Variants in PDPR observed in about 807,000 individuals in gnomAD.
PDPR encodes the protein pyruvate dehydrogenase phosphatase regulatory subunit, mitochondrial.
A neutral mutation model predicts 102.2 loss-of-function variants in PDPR; 50 were observed. The observed-to-expected ratio is 0.49, with a 90% CI of 0.39 to 0.62. The LOEUF is 0.62. PDPR is among the 20% of genes least tolerant of loss of function. The probability of loss-of-function intolerance (pLI) is 0.00; values close to 1 mark genes in which losing one functional copy is unlikely to be tolerated. For synonymous variants in PDPR, 259 were observed against 406.0 expected, an observed-to-expected ratio of 0.64 and a Z score of 4.35; for missense variants, 625 against 1,098.2, an observed-to-expected ratio of 0.57 and a Z score of 6.09.
intron 9 of PDPR, among the ~76,000 whole-genome samples, chr16:70,133,111 C>CTTTTTTTTT (rs140652740): frequency 7.3e-4 from 71 of 97,256 alleles, no homozygotes; most frequent in African/African-American, 1.0e-3. Context: ...TACCCAGCTG[C>CTTTTTTTTT]TTTTTTTTTT....
At chr16:70,145,002 C>T (rs1488648778) in intron 15 of PDPR, among the ~76,000 whole-genome samples, 2 of 152,030 alleles carry the variant, frequency 1.3e-5, no homozygotes, top group African/African-American at 4.8e-5. Context: ...CACCTGTAAT[C>T]CCAGCACTTT....
intron 3 of PDPR, among the ~76,000 whole-genome samples, chr16:70,121,553 G>C (rs527622897): frequency 3.0e-4 from 46 of 152,216 alleles, no homozygotes; most frequent in African/African-American, 1.1e-3. Context: ...TTAGCTGGGC[G>C]TGGTGGTGTG....
intron 15 of PDPR, among the ~76,000 whole-genome samples, chr16:70,145,065 C>G (rs1313634084): frequency 7.9e-5 from 12 of 152,206 alleles, no homozygotes; most frequent in Admixed American, 7.9e-4. Context: ...CCAGCCTGGC[C>G]AACATGGTGA....
At position 70,131,794 on chromosome 16, in the gene PDPR, A is replaced by T. The variant is rs1964563459; in HGVS notation, c.848-357A>T. The T allele has an allele frequency of 4.4e-6, 6 of 1,363,366 alleles. No individual in the cohort carries two copies. The South Asian group carries it at 6.7e-5, about 15-fold the overall frequency. 84.5% of individuals were successfully genotyped at this position (1,363,366 alleles called of 1,614,324 possible). A position where few individuals can be genotyped will look rare whatever the true frequency, so the allele number is the denominator to read the frequency against. On this transcript the variant is annotated intron_variant, in intron 8 of 18. Transcript: ENST00000288050. The stretch of plus-strand genomic sequence containing the variant: ...CCAAGCACTGTAGGAGAGGGTTCTC[A>T]CATCCTTTTGACGGTCTTCATGCCT...
chr16:70,136,271 G>A lies in PDPR; in HGVS notation c.1075G>A (p.Glu359Lys). ...GATCATGAAGTTGGTGAACTGCCCAGAGACCTTCACACCAGACATGAGGTG... is the reference window on the plus strand; with the variant it reads ...GATCATGAAGTTGGTGAACTGCCCAAAGACCTTCACACCAGACATGAGGTG... The part of the protein sequence containing the change: ...LEIMKLVNCP[E>K]TFTPDMRCIM... Residue 359 changes from glutamate (E) to lysine (K), a missense_variant, in exon 10 of 19, where the codon GAG becomes AAG. By Grantham distance (56) the Glu-to-Lys change is moderately conservative. Around this residue, in one of 11 missense-constraint regions of PDPR, gnomAD observed 50 missense variants for 79.9 expected, o/e 0.63. Coordinates refer to ENST00000288050, the MANE Select transcript of PDPR (RefSeq NM_017990.5). 1 of 1,613,436 alleles carries A rather than the reference G, an allele frequency of 6.2e-7. No individual in the cohort carries two copies. The highest frequency in any genetic ancestry group is 2.2e-5 in the East Asian group (1 of 44,870).
In PDPR at chr16:70,153,462, C is replaced by G. The variant is rs201643448; in HGVS notation, c.2124C>G (p.Tyr708Ter). The change falls in exon 18 of 19, where the codon TAC becomes TAG. Residue 708 changes from tyrosine (Y) to a stop codon, truncating the protein, a stop_gained. Transcript: ENST00000288050. LOFTEE classifies it high-confidence loss of function. ...ACGGAATCCGGAATGCTGGGTATTA[C>G]GCTCTTCGCAGTCTCCGAATTGAGA... ...QKYGIRNAGY[Y>*]ALRSLRIEKF... The G allele has an allele frequency of 1.9e-6, 3 of 1,613,554 alleles. No homozygotes were observed. Among genetic ancestry groups the G allele is most frequent in the Non-Finnish European group, 2.5e-6 (3 of 1,179,748 alleles).
In PDPR at chr16:70,162,206, A is replaced by C. The variant is rs1967856464; in HGVS notation, c.*5327A>C. Reference sequence around the variant, plus strand: ...CAGCTCAGTTAACACTTTACTCTCCAGTCAACACTTGGGACATATAAAAAT... The same window carrying C: ...CAGCTCAGTTAACACTTTACTCTCCCGTCAACACTTGGGACATATAAAAAT... On this transcript the variant is annotated 3_prime_UTR_variant, in exon 19 of 19. Transcript: ENST00000288050. 1 of 152,500 alleles carries C rather than the reference A, an allele frequency of 6.6e-6. No individual in the cohort carries two copies. Among genetic ancestry groups the C allele is most frequent in the African/African-American group, 2.4e-5 (1 of 41,482 alleles). The allele number at this position is 152,500 out of a possible 1,614,324, so 9.4% of individuals were successfully genotyped here.
At chr16:70,127,152 G>C in intron 3 of PDPR, 108 bp from the exon 4 acceptor site, 1 of 1,536,636 alleles carries the variant, frequency 6.5e-7, no homozygotes, top group Non-Finnish European at 8.7e-7. Flanking sequence ...ACTGTGCCCA[G>C]CTTGTTTCCA....
chr16:70,127,806 G>A (rs1232321345), intron 4 of PDPR, among the ~76,000 whole-genome samples: 23 of 152,228 alleles, frequency 1.5e-4, no homozygotes, highest in African/African-American at 4.3e-4. Flanking sequence ...ACAGGAATTG[G>A]CTCTGGCCAA....
intron 4 of PDPR, among the ~76,000 whole-genome samples, chr16:70,127,699 C>T (rs1964117532): frequency 6.6e-6 from 1 of 152,290 alleles, no homozygotes; most frequent in African/African-American, 2.4e-5. Flanking sequence ...TGCTTCAACT[C>T]TTTCTTCATA....
At chr16:70,123,560 A>G (rs1963582841) in intron 3 of PDPR, among the ~76,000 whole-genome samples, 1 of 152,262 alleles carries the variant, frequency 6.6e-6, no homozygotes, top group Non-Finnish European at 1.5e-5. Flanking sequence ...CTTGATGTCA[A>G]AGTCTTTCTC....
intron 18 of PDPR, among the ~76,000 whole-genome samples, chr16:70,155,637 G>A (rs1319710371): frequency 8.5e-5 from 13 of 152,298 alleles, no homozygotes; most frequent in South Asian, 4.1e-4. Context: ...AGATCCCCCC[G>A]CCTTAGCCTC....
Position 70,156,449 on chromosome 16 carries a change from G to T in PDPR, c.2236-26G>T. 1.9e-6 allele frequency: 3 copies of T among 1,610,016 alleles called. No homozygotes were observed. In the South Asian group the frequency reaches 3.3e-5, roughly 18 times the overall value. ...GCCGAGGGTCTGAGTGTCGCTGGAT[G>T]ACTCGGCGTTTCCTTTCTTTCTTAG... On this transcript the variant is annotated intron_variant, in intron 18 of 18. Transcript: ENST00000288050.
At chr16:70,138,038 CTTTTTTTT>C (rs200071207) in intron 10 of PDPR, among the ~76,000 whole-genome samples, 15 of 118,370 alleles carry the variant, frequency 1.3e-4, no homozygotes, top group Middle Eastern at 5.0e-3. Context: ...ATACCCAGCT[CTTTTTTTT>C]TTTTTTTTTT....
intron 2 of PDPR, among the ~76,000 whole-genome samples, chr16:70,118,147 C>A (rs1338015845): frequency 1.3e-5 from 2 of 151,066 alleles, no homozygotes; most frequent in African/African-American, 4.9e-5. Flanking sequence ...GGAAACGTTG[C>A]AGGTACATGA....
intron 2 of PDPR, among the ~76,000 whole-genome samples, chr16:70,115,877 C>T (rs1213073622): frequency 6.6e-6 from 1 of 152,150 alleles, no homozygotes; most frequent in African/African-American, 2.4e-5. Context: ...TTCTTCTCCC[C>T]TGGCTTTACC....
chr16:70,144,769 A>G (rs1279766229), intron 15 of PDPR, among the ~76,000 whole-genome samples: 1 of 152,246 alleles, frequency 6.6e-6, no homozygotes, highest in Non-Finnish European at 1.5e-5. Flanking sequence ...AACCTGGACT[A>G]TATGGTGAAA....
At chr16:70,118,072 G>A (rs575441815) in intron 2 of PDPR, among the ~76,000 whole-genome samples, 7 of 149,160 alleles carry the variant, frequency 4.7e-5, no homozygotes, top group South Asian at 2.1e-4. Flanking sequence ...CCAGCTGGGC[G>A]ACAGAGTGAG....
intron 16 of PDPR, among the ~76,000 whole-genome samples, chr16:70,147,977 G>C (rs1966373941): frequency 6.6e-6 from 1 of 152,190 alleles, no homozygotes; most frequent in South Asian, 2.1e-4. Flanking sequence ...TTAGGGAACT[G>C]AGCTGCTATG....
Sources: gnomAD v4.1 joint callset for allele counts (sites outside exome capture counted in the v4.1 genomes callset) on GRCh38, gnomAD v4.1.1 for gene constraint, gnomAD v4.1.1 regional missense constraint, MANE v1.5 for transcripts, NCBI Gene and HGNC (gene_info 2026-07-23, HGNC 2026-07-21) for gene names.